The following PADI6 variants were observed in gnomAD, a reference collection of about 807,000 sequenced individuals.
PADI6 encodes the protein inactive protein-arginine deiminase type-6.
PADI6 carries 66 observed loss-of-function variants against 78.2 expected under a neutral mutation model. The ratio of observed to expected loss-of-function variants is 0.84; its 90% CI spans 0.69 to 1.04. PADI6 has a LOEUF of 1.04. Ranked by LOEUF, PADI6 falls within the 50% of genes least tolerant of loss-of-function variation. The pLI, the probability that PADI6 is intolerant of heterozygous loss-of-function variation, is 0.00. For missense variants in PADI6, 854 were observed against 866.1 expected, an observed-to-expected ratio of 0.99 and a Z score of 0.18; for synonymous variants, 397 against 346.9, an observed-to-expected ratio of 1.14 and a Z score of -1.60.
In PADI6 at chr1:17,381,961, G is replaced by GCCCAGAAATAACGAATCTGT; in HGVS notation, c.555_574dup. The GCCCAGAAATAACGAATCTGT allele has an allele frequency of 1.9e-6, 3 of 1,613,566 alleles. No homozygotes were observed. Among genetic ancestry groups the GCCCAGAAATAACGAATCTGT allele is most frequent in the Non-Finnish European group, 2.5e-6 (3 of 1,179,680 alleles). On this transcript the variant is annotated splice_region_variant and splice_polypyrimidine_tract_variant and intron_variant, in intron 5 of 15. Transcript: ENST00000619609. ...TTCCTTAACCTTTGCTTTGTCTTTT[G>GCCCAGAAATAACGAATCTGT]CCCAGAAATAACGAATCTGTCCCAG...
At chr1:17,400,336 T>C (rs145019238) in intron 15 of PADI6, among the ~76,000 whole-genome samples, 93 of 151,672 alleles carry the variant, frequency 6.1e-4, no homozygotes, top group African/African-American at 2.2e-3. Flanking sequence ...ATGGAGAAAC[T>C]GTCTTTACCA....
intron 3 of PADI6, among the ~76,000 whole-genome samples, chr1:17,378,960 G>GA (rs1421484258): frequency 9.0e-5 from 13 of 143,698 alleles, no homozygotes; most frequent in Non-Finnish European, 1.8e-4. Context: ...TTTTTTGGGG[G>GA]GGGGGACAGA....
At chr1:17,378,470 T>G (rs1040043938) in intron 3 of PADI6, among the ~76,000 whole-genome samples, 10 of 152,104 alleles carry the variant, frequency 6.6e-5, no homozygotes, top group Non-Finnish European at 1.2e-4. Flanking sequence ...TAATGAGCTG[T>G]GAACAAAAGA....
rs1490623537 is a variant in PADI6 at position 17,394,218 on chromosome 1, G to GC, written c.1183-82_1183-81insC. 1.9e-6 allele frequency: 3 copies of GC among 1,573,876 alleles called. No individual in the cohort carries two copies. The African/African-American group carries it at 4.1e-5, about 21-fold the overall frequency. ...GGGGAGGGGACGTGGAAGTCTACCTGAGAGCCTGGATTTAGGGATAAGACT... is the reference window on the plus strand; with the variant it reads ...GGGGAGGGGACGTGGAAGTCTACCTGCAGAGCCTGGATTTAGGGATAAGACT... On this transcript the variant is annotated intron_variant, in intron 10 of 15. Coordinates refer to ENST00000619609, the MANE Select transcript of PADI6 (RefSeq NM_207421.4).
intron 9 of PADI6, 107 bp downstream of exon 9, chr1:17,392,332 C>G: frequency 1.2e-6 from 1 of 816,818 alleles, no homozygotes. Context: ...AAGACCGAAG[C>G]CTTGATAGGG....
chr1:17,383,357 G>GC (rs1367375303), intron 6 of PADI6, among the ~76,000 whole-genome samples: 1 of 152,178 alleles, frequency 6.6e-6, no homozygotes, highest in African/African-American at 2.4e-5. Flanking sequence ...TTACACATGA[G>GC]CTAGAGTGAG....
At chr1:17,386,185 C>A (rs765593475) in intron 6 of PADI6, among the ~76,000 whole-genome samples, 37 of 152,278 alleles carry the variant, frequency 2.4e-4, no homozygotes, top group Non-Finnish European at 4.4e-4. Flanking sequence ...CTCCCCCATG[C>A]TTCTGTTTAA....
intron 14 of PADI6, 45 bp downstream of exon 14, chr1:17,397,186 C>T (rs778494431): frequency 5.0e-6 from 8 of 1,605,072 alleles, no homozygotes; most frequent in African/African-American, 4.0e-5. Flanking sequence ...AGAGCTGGTG[C>T]CGCAGGTCTT....
intron 9 of PADI6, 89 bp downstream of exon 9, chr1:17,392,314 TA>T (rs1340419397): frequency 4.9e-6 from 5 of 1,011,818 alleles, no homozygotes; most frequent in Non-Finnish European, 7.4e-6. Context: ...GGCTTCTGGT[TA>T]ACCTTAAAGA....
rs910102092 is a variant in PADI6, at chr1:17,398,454, C to T, written c.1690-232C>T. The stretch of plus-strand genomic sequence containing the variant: ...GCCAGACGCTGTCTAGCCATGGGAT[C>T]CTGGACTAAAGACTAGGCCATTCCT... On this transcript the variant is annotated intron_variant, in intron 14 of 15. Transcript: ENST00000619609. Among the ~76,000 whole-genome samples, 25 of 152,224 alleles carry T rather than the reference C, an allele frequency of 1.6e-4. 2 individuals carry two copies. The East Asian group carries it at 2.1e-3, about 13-fold the overall frequency.
At chr1:17,376,306 T>G (rs111874015) in intron 3 of PADI6, among the ~76,000 whole-genome samples, 1,632 of 151,096 alleles carry the variant, frequency 0.011, 11 homozygotes, top group Admixed American at 0.019. Flanking sequence ...TCTAGGGTGT[T>G]TGTTTTTGTT....
chr1:17,381,252 A>C, intron 5 of PADI6, 88 bp downstream of exon 5: 1 of 1,073,828 alleles, frequency 9.3e-7, no homozygotes, highest in African/African-American at 1.6e-5. Context: ...AATTTTCTCC[A>C]CCCCACCCCC....
chr1:17,395,075 A>G lies in PADI6; in HGVS notation c.1462A>G (p.Ile488Val), dbSNP rs751455759. The change falls in exon 12 of 16, where the codon ATC becomes GTC. Residue 488 changes from isoleucine to valine, a missense_variant. Coordinates refer to ENST00000619609, the MANE Select transcript of PADI6 (RefSeq NM_207421.4). ...TGHVDEFMCF[I>V]PTDDKNEGKK... ...CCACGTGGATGAGTTCATGTGCTTC[A>G]TCCCCACAGATGACAAGAATGAGGG... 23 of 1,614,038 alleles carry G rather than the reference A, an allele frequency of 1.4e-5. No individual in the cohort carries two copies. Among genetic ancestry groups the G allele is most frequent in the Non-Finnish European group, 1.8e-5 (21 of 1,179,912 alleles).
intron 8 of PADI6, 66 bp downstream of exon 8, chr1:17,388,946 G>T: frequency 7.8e-7 from 1 of 1,289,204 alleles, no homozygotes; most frequent in Non-Finnish European, 1.1e-6. Flanking sequence ...CTTTCTATAT[G>T]CAGGGCAGGG....
At chr1:17,389,216 G>A (rs761623321) in intron 8 of PADI6, among the ~76,000 whole-genome samples, 1 of 152,230 alleles carries the variant, frequency 6.6e-6, no homozygotes, top group Non-Finnish European at 1.5e-5. Context: ...TACGGAGCCA[G>A]AGAACAGGTG....
intron 1 of PADI6, among the ~76,000 whole-genome samples, chr1:17,372,725 C>T (rs1309471405): frequency 1.3e-5 from 2 of 152,270 alleles, no homozygotes; most frequent in East Asian, 1.9e-4. Context: ...GGTCACAGTA[C>T]AACTTCCTGA....
intron 8 of PADI6, 112 bp from the exon 9 acceptor site, chr1:17,392,002 T>A: frequency 1.1e-6 from 1 of 870,996 alleles, no homozygotes; most frequent in Non-Finnish European, 1.8e-6. Flanking sequence ...CGGGCAGGGA[T>A]GTAACCTCTC....
Position 17,372,202 on chromosome 1 carries a change from C to T in PADI6, c.-44C>T, listed in dbSNP as rs773432819. 3 of 1,566,612 alleles carry T rather than the reference C, an allele frequency of 1.9e-6. No individual in the cohort carries two copies. Among genetic ancestry groups the T allele is most frequent in the Non-Finnish European group, 2.6e-6 (3 of 1,137,246 alleles). ...AAGGGCAGGGTGAGCCCTGGGGCGT[C>T]TGAGGCTGCTGTGCTGAGTGAGGGC... On this transcript the variant is annotated 5_prime_UTR_variant, in exon 1 of 16. Coordinates refer to ENST00000619609, the MANE Select transcript of PADI6 (RefSeq NM_207421.4).
rs1461527359 is a variant in PADI6, at chr1:17,394,463, CA to C, written c.1337+12del. 1 of 1,611,154 alleles carries C rather than the reference CA, an allele frequency of 6.2e-7. No homozygotes were observed. Among genetic ancestry groups the C allele is most frequent in the Admixed American group, 1.7e-5 (1 of 59,858 alleles). On this transcript the variant is annotated intron_variant, in intron 11 of 15. Coordinates refer to ENST00000619609, the MANE Select transcript of PADI6 (RefSeq NM_207421.4). The stretch of plus-strand genomic sequence containing the variant: ...AGCAGCTTTTACCCCAGGTGAGCCA[CA>C]AAGCCAGACGCCTCCAAATGAAAGG...
Sources: allele counts gnomAD v4.1 joint callset (sites outside exome capture counted in the v4.1 genomes callset), GRCh38; gene constraint gnomAD v4.1.1; transcripts MANE v1.5; gene names NCBI Gene and HGNC (gene_info 2026-07-23, HGNC 2026-07-21).